PRELID2: variants seen among roughly 807,000 people sequenced by gnomAD.
PRELID2 encodes PRELI domain-containing protein 2.
A neutral mutation model predicts 28.4 loss-of-function variants in PRELID2; 25 were observed. The observed-to-expected ratio is 0.88, with a 90% CI of 0.64 to 1.23. The LOEUF (loss-of-function observed/expected upper bound fraction) is 1.23. Among genes scored for constraint, PRELID2 ranks in the 50% most tolerant of loss-of-function variants. The pLI, the probability that PRELID2 is intolerant of heterozygous loss-of-function variation, is 0.00. For synonymous variants in PRELID2, 76 were observed against 71.6 expected (o/e 1.06, Z -0.31); for missense variants, 201 against 214.4 (o/e 0.94, Z 0.39).
chr5:145,238,414 A>G, the PRELID2 span, among the ~76,000 whole-genome samples: 1 of 152,082 alleles, frequency 6.6e-6, no homozygotes, highest in Non-Finnish European at 1.5e-5. Flanking sequence ...GCACTCCTCG[A>G]TTTCAGGACG....
At chr5:145,683,971 C>T (rs1203596655) in intron 1 of PRELID2, among the ~76,000 whole-genome samples, 1 of 152,146 alleles carries the variant, frequency 6.6e-6, no homozygotes, top group Non-Finnish European at 1.5e-5. Flanking sequence ...AGCAGAGCGA[C>T]ACAAAGTTTT....
intron 1 of PRELID2, among the ~76,000 whole-genome samples, chr5:145,699,647 T>G (rs185347714): frequency 6.6e-6 from 1 of 152,256 alleles, no homozygotes; most frequent in East Asian, 1.9e-4. Context: ...TAAAAGAAAC[T>G]GATTTCAGAG....
chr5:145,663,634 T>C (rs540289833), intron 1 of PRELID2, among the ~76,000 whole-genome samples: 5 of 152,266 alleles, frequency 3.3e-5, no homozygotes, highest in African/African-American at 9.6e-5. Context: ...TCTCCATTAA[T>C]AAGTCTTTAT....
chr5:145,379,874 T>A, the PRELID2 span, among the ~76,000 whole-genome samples: 1 of 152,020 alleles, frequency 6.6e-6, no homozygotes, highest in Non-Finnish European at 1.5e-5. Flanking sequence ...CAAGCAAGCA[T>A]GTCCAGGCTA....
the PRELID2 span, among the ~76,000 whole-genome samples, chr5:145,392,981 C>T: frequency 6.6e-6 from 1 of 152,162 alleles, no homozygotes; most frequent in Non-Finnish European, 1.5e-5. Context: ...TAATCTCCTG[C>T]TCCATCCCCT....
the PRELID2 span, among the ~76,000 whole-genome samples, chr5:145,276,777 G>A: frequency 6.6e-6 from 1 of 152,028 alleles, no homozygotes; most frequent in South Asian, 2.1e-4. Context: ...CCTGTTGAAT[G>A]CAATGATAGA....
chr5:145,632,224 C>T (rs536285624), intron 1 of PRELID2, among the ~76,000 whole-genome samples: 13 of 152,186 alleles, frequency 8.5e-5, no homozygotes, highest in African/African-American at 2.4e-4. Flanking sequence ...CTCTTTCTTA[C>T]GGTAATTGTA....
chr5:145,734,362 C>T (rs540664878), intron 1 of PRELID2, among the ~76,000 whole-genome samples: 10 of 152,286 alleles, frequency 6.6e-5, no homozygotes, highest in African/African-American at 2.2e-4. Flanking sequence ...TGTTTTAAGC[C>T]ACTAAGTTTG....
At position 145,788,624 on chromosome 5, in the gene PRELID2, G is replaced by T. The variant is rs73306019; in HGVS notation, c.474+7818C>A. Among the ~76,000 whole-genome samples the T allele has an allele frequency of 9.9e-5, 15 of 152,096 alleles. No homozygotes were observed. The South Asian group carries it at 3.1e-3, about 32-fold the overall frequency. ...ATCTCAAAAGAAGTGGCCCACTCTC[G>T]CCACTTCTATTCAATATAATACTGG... On this transcript the variant is annotated intron_variant, in intron 5 of 6. Coordinates refer to ENST00000683046, the MANE Select transcript of PRELID2 (RefSeq NM_205846.3).
the PRELID2 span, among the ~76,000 whole-genome samples, chr5:145,394,189 C>G: frequency 6.6e-6 from 1 of 152,074 alleles, no homozygotes; most frequent in South Asian, 2.1e-4. Flanking sequence ...CCTAAACGTC[C>G]AACAATGATA....
chr5:145,422,912 C>G, the PRELID2 span, among the ~76,000 whole-genome samples: 2 of 151,710 alleles, frequency 1.3e-5, no homozygotes, highest in Non-Finnish European at 2.9e-5. Context: ...CCTTCAAGAG[C>G]TCTTGTAAGG....
rs375800675 is a variant in PRELID2 at position 145,826,514 on chromosome 5, T to C, written c.76-3380A>G. On this transcript the variant is annotated intron_variant, in intron 1 of 6. Transcript: ENST00000683046. ...TTTGACTTCATTTTGCATTTCCTTA[T>C]AATTTTTAATTTCTTCACAGAACGT... 2.6e-5 allele frequency among the ~76,000 whole-genome samples: 4 copies of C among 152,326 alleles called. No homozygotes were observed. The East Asian group carries it at 5.8e-4, about 22-fold the overall frequency.
At position 145,546,208 on chromosome 5, in the gene PRELID2, G is replaced by A. The variant is rs59700360; in HGVS notation, n.71-72893C>T. On this transcript the variant is annotated intron_variant and non_coding_transcript_variant, in intron 1 of 2. Coordinates refer to the PRELID2 transcript ENST00000510259. ...TTGTTATTGTAGCATGAGGTCAAGC[G>A]AATAACATAGGAGCAAGAGAAAAAA... 9.3e-3 allele frequency among the ~76,000 whole-genome samples: 1,388 copies of A among 148,946 alleles called. 21 individuals carry two copies. The highest frequency in any genetic ancestry group is 0.029 in the African/African-American group (1,129 of 39,132).
chr5:145,631,481 T>C (rs139960194), intron 1 of PRELID2, among the ~76,000 whole-genome samples: 2 of 152,302 alleles, frequency 1.3e-5, no homozygotes, highest in East Asian at 3.9e-4. Flanking sequence ...CTTTCTTCCT[T>C]ATCCTACAGG....
chr5:145,395,735 C>T, the PRELID2 span, among the ~76,000 whole-genome samples: 2 of 150,776 alleles, frequency 1.3e-5, no homozygotes, highest in Non-Finnish European at 1.5e-5. Flanking sequence ...TGGAAAACCA[C>T]AAAAAAAACA....
the PRELID2 span, among the ~76,000 whole-genome samples, chr5:145,420,051 C>T: frequency 5.3e-5 from 8 of 151,758 alleles, no homozygotes; most frequent in Middle Eastern, 3.4e-3. Flanking sequence ...AGATATGCGG[C>T]ATTATTTCTG....
chr5:145,355,521 A>G, the PRELID2 span, among the ~76,000 whole-genome samples: 1 of 152,158 alleles, frequency 6.6e-6, no homozygotes, highest in African/African-American at 2.4e-5. Flanking sequence ...TGGAACATAA[A>G]AAGGATCTTA....
intron 1 of PRELID2, among the ~76,000 whole-genome samples, chr5:145,536,364 G>A (rs1752698539): frequency 6.6e-6 from 1 of 151,940 alleles, no homozygotes; most frequent in South Asian, 2.1e-4. Context: ...TGATATCACT[G>A]CTGAAGAATC....
chr5:145,542,179 C>T (rs192894859), intron 1 of PRELID2, among the ~76,000 whole-genome samples: 103 of 152,194 alleles, frequency 6.8e-4, no homozygotes, highest in African/African-American at 2.2e-3. Context: ...GCCCACCTTT[C>T]GGTCTCCTCT....
Sources: allele counts gnomAD v4.1 joint callset (sites outside exome capture counted in the v4.1 genomes callset), GRCh38; gene constraint gnomAD v4.1.1; transcripts MANE v1.5; gene names NCBI Gene and HGNC (gene_info 2026-07-23, HGNC 2026-07-21).